Variants in C12orf42 observed in about 807,000 individuals in gnomAD.
C12orf42 encodes the protein uncharacterized protein C12orf42.
A neutral mutation model predicts 21.6 loss-of-function variants in C12orf42; 25 were observed. That is an observed-to-expected ratio of 1.16 (90% CI 0.84 to 1.62). The LOEUF (loss-of-function observed/expected upper bound fraction) is 1.62, where lower values mean the gene tolerates loss of function less well. C12orf42 is among the 40% of genes most tolerant of loss of function. C12orf42 has a pLI of 0.00. For synonymous variants in C12orf42, 174 were observed against 175.0 expected (o/e 0.99, Z 0.05); for missense variants, 483 against 459.3 (o/e 1.05, Z -0.47).
At chr12:103,103,832 C>T in the C12orf42 span, among the ~76,000 whole-genome samples, 108 of 149,078 alleles carry the variant, frequency 7.2e-4, 2 homozygotes, top group East Asian at 0.017. Context: ...GACGGAGTCT[C>T]GCTCTGTCGC....
Position 103,335,173 on chromosome 12 carries a change from A to C in C12orf42, c.260-28828T>G, listed in dbSNP as rs940210539. ...TTGCTCAAAATGATGCATTCAGTCCATATAAAGATTGGGACATCAGAGTTG... is the reference window on the plus strand; with the variant it reads ...TTGCTCAAAATGATGCATTCAGTCCCTATAAAGATTGGGACATCAGAGTTG... On this transcript the variant is annotated intron_variant, in intron 4 of 5. Transcript: ENST00000548883. Among the ~76,000 whole-genome samples, 11 of 152,370 alleles carry C rather than the reference A, an allele frequency of 7.2e-5. No homozygotes were observed. The East Asian group carries it at 2.1e-3, about 29-fold the overall frequency.
At chr12:103,209,752 T>C in the C12orf42 span, among the ~76,000 whole-genome samples, 2 of 152,198 alleles carry the variant, frequency 1.3e-5, no homozygotes, top group African/African-American at 2.4e-5. Context: ...GCCTTGCTCT[T>C]CCTCATTGTG....
At chr12:103,298,577 A>C (rs2037453088), downstream of C12orf42, among the ~76,000 whole-genome samples, 1 of 152,300 alleles carries the variant, frequency 6.6e-6, no homozygotes, top group African/African-American at 2.4e-5. Context: ...TCTACCAATG[A>C]CTTTCTTCAC....
At chr12:103,238,520 G>GCAGCTA (rs1187810177) in intron 10 of C12orf42, among the ~76,000 whole-genome samples, 1 of 152,188 alleles carries the variant, frequency 6.6e-6, no homozygotes, top group Non-Finnish European at 1.5e-5. Context: ...GGACCAGAGA[G>GCAGCTA]CAGCTACACT....
At chr12:103,341,901 A>G (rs2042203111) in intron 4 of C12orf42, among the ~76,000 whole-genome samples, 1 of 152,254 alleles carries the variant, frequency 6.6e-6, no homozygotes, top group East Asian at 1.9e-4. Context: ...TAATAATGAT[A>G]AGGAGGACTT....
At chr12:103,294,874 G>C (rs191774328) in intron 4 of C12orf42, among the ~76,000 whole-genome samples, 2 of 152,068 alleles carry the variant, frequency 1.3e-5, no homozygotes, top group Admixed American at 1.3e-4. Context: ...AGGCATAATA[G>C]TACCCATTAG....
intron 4 of C12orf42, among the ~76,000 whole-genome samples, chr12:103,329,469 G>A (rs2041022447): frequency 6.6e-6 from 1 of 151,924 alleles, no homozygotes; most frequent in African/African-American, 2.4e-5. Flanking sequence ...GATAGGTGCA[G>A]CAAACCCCCC....
chr12:103,154,793 G>T, the C12orf42 span, among the ~76,000 whole-genome samples: 1 of 152,000 alleles, frequency 6.6e-6, no homozygotes, highest in Non-Finnish European at 1.5e-5. Flanking sequence ...AAAACAAAGA[G>T]AAAAAATAAT....
intron 4 of C12orf42, among the ~76,000 whole-genome samples, chr12:103,366,035 G>T (rs540101552): frequency 6.6e-6 from 1 of 152,020 alleles, no homozygotes; most frequent in Non-Finnish European, 1.5e-5. Context: ...AACAAATCTG[G>T]AAGCATTACA....
At chr12:103,339,411 T>C (rs926092795) in intron 4 of C12orf42, among the ~76,000 whole-genome samples, 86 of 152,338 alleles carry the variant, frequency 5.6e-4, no homozygotes, top group African/African-American at 1.9e-3. Flanking sequence ...TATGTGTCCA[T>C]GTATTCTCAT....
chr12:103,347,230 G>A (rs1345552251), intron 4 of C12orf42, among the ~76,000 whole-genome samples: 4 of 143,896 alleles, frequency 2.8e-5, no homozygotes, highest in Non-Finnish European at 4.5e-5. Flanking sequence ...ACAGGCCCCA[G>A]TGTGTGATGT....
At chr12:103,257,282 T>C (rs1199986041) in intron 10 of C12orf42, among the ~76,000 whole-genome samples, 1 of 152,148 alleles carries the variant, frequency 6.6e-6, no homozygotes, top group Non-Finnish European at 1.5e-5. Context: ...TGAAATAATC[T>C]GTATAACAAA....
chr12:103,169,001 A>G, the C12orf42 span, among the ~76,000 whole-genome samples: 74,285 of 151,466 alleles, frequency 0.49, 18,471 homozygotes, highest in East Asian at 0.67. Context: ...CACACACTGG[A>G]GCCTGTTGGG....
At chr12:103,417,828 T>C (rs10467019) in intron 2 of C12orf42, among the ~76,000 whole-genome samples, 40,187 of 152,038 alleles carry the variant, frequency 0.26, 6,729 homozygotes, top group African/African-American at 0.47. Flanking sequence ...TAATGAATCA[T>C]TGGATAAATG....
intron 2 of C12orf42, among the ~76,000 whole-genome samples, chr12:103,423,169 C>A (rs2050068584): frequency 6.6e-6 from 1 of 152,206 alleles, no homozygotes; most frequent in South Asian, 2.1e-4. Flanking sequence ...TGCCCTGGGG[C>A]CCCCAGCCCT....
the C12orf42 span, chr12:103,547,991 C>T: frequency 2.0e-5 from 3 of 152,128 alleles, no homozygotes; most frequent in Non-Finnish European, 2.9e-5. Context: ...TAAGATAATC[C>T]ACTGCATTGC....
At chr12:103,380,151 T>G (rs111451380) in intron 3 of C12orf42, among the ~76,000 whole-genome samples, 1,823 of 152,290 alleles carry the variant, frequency 0.012, 34 homozygotes, top group African/African-American at 0.042. Context: ...CTAGTAAAGT[T>G]GAACCTCTAA....
chr12:103,354,932 T>C (rs2137544199), intron 4 of C12orf42, among the ~76,000 whole-genome samples: 1 of 152,232 alleles, frequency 6.6e-6, no homozygotes, highest in Non-Finnish European at 1.5e-5. Context: ...ACCAAAGAAA[T>C]GATACATGTT....
At chr12:103,160,724 C>A in the C12orf42 span, among the ~76,000 whole-genome samples, 7 of 152,332 alleles carry the variant, frequency 4.6e-5, no homozygotes, top group Non-Finnish European at 7.3e-5. Context: ...AGCTAGACTT[C>A]ACAGATGATT....
Sources: gnomAD v4.1 joint callset for allele counts (sites outside exome capture counted in the v4.1 genomes callset) on GRCh38, gnomAD v4.1.1 for gene constraint, MANE v1.5 for transcripts, NCBI Gene and HGNC (gene_info 2026-07-23, HGNC 2026-07-21) for gene names.